Variants in VPS45 observed in about 807,000 individuals in gnomAD.
The protein encoded by VPS45 is vacuolar protein sorting 45 homolog.
Under a neutral mutation model 75.9 loss-of-function variants are expected in VPS45, and 35 were observed. The ratio of observed to expected loss-of-function variants is 0.46; its 90% CI spans 0.35 to 0.61. The LOEUF (loss-of-function observed/expected upper bound fraction) is 0.61, where lower values mean the gene tolerates loss of function less well. Ranked by LOEUF, VPS45 falls within the 20% of genes least tolerant of loss-of-function variation. The pLI is 0.00. For missense variants in VPS45, 559 were observed against 685.9 expected, an observed-to-expected ratio of 0.81 and a Z score of 2.07; for synonymous variants, 220 against 238.2, an observed-to-expected ratio of 0.92 and a Z score of 0.70.
At chr1:150,124,636 A>G (rs1553810338) in intron 14 of VPS45, among the ~76,000 whole-genome samples, 1 of 132,410 alleles carries the variant, frequency 7.6e-6, no homozygotes, top group Non-Finnish European at 1.6e-5. Context: ...CAACCCCCCT[A>G]CCTCCCGGAT....
At chr1:150,103,435 T>C (rs1287709184) in intron 13 of VPS45, among the ~76,000 whole-genome samples, 1 of 152,216 alleles carries the variant, frequency 6.6e-6, no homozygotes, top group Non-Finnish European at 1.5e-5. Context: ...GGAAAACATT[T>C]ATTAATGTTT....
chr1:150,078,205 G>A (rs1315395338), intron 7 of VPS45, among the ~76,000 whole-genome samples: 3 of 152,118 alleles, frequency 2.0e-5, no homozygotes, highest in Non-Finnish European at 4.4e-5. Flanking sequence ...CTAAAGCACA[G>A]CTCTATCTTA....
At chr1:150,078,187 A>G (rs1553798559) in intron 7 of VPS45, among the ~76,000 whole-genome samples, 1 of 152,228 alleles carries the variant, frequency 6.6e-6, no homozygotes, top group Non-Finnish European at 1.5e-5. Flanking sequence ...TTCCACAAGT[A>G]CAATTTCCTA....
Position 150,081,326 on chromosome 1 carries a change from A to G in VPS45, c.688-16A>G, listed in dbSNP as rs781871322. On this transcript the variant is annotated splice_polypyrimidine_tract_variant and intron_variant, in intron 7 of 14. Transcript: ENST00000644510. ...ATTCTGTCAGTTACCTTTTTTTTTC[A>G]TAATTCTTTATTTAGTGGACATATC... 5 of 1,566,626 alleles carry G rather than the reference A, an allele frequency of 3.2e-6. No individual in the cohort carries two copies. Among genetic ancestry groups the G allele is most frequent in the East Asian group, 2.3e-5 (1 of 42,580 alleles).
chr1:150,144,837 C>G lies in VPS45; in HGVS notation c.*41C>G, dbSNP rs1553816213. On this transcript the variant is annotated 3_prime_UTR_variant, in exon 15 of 15. Transcript: ENST00000644510. The stretch of plus-strand genomic sequence containing the variant: ...AAGGGCACAGCTTCCTCTCTTGTCC[C>G]CACTACAGGTTTTCCCTACTAAACA... 6.2e-7 allele frequency: 1 copy of G among 1,613,014 alleles called. No homozygotes were observed. The highest frequency in any genetic ancestry group is 1.3e-5 in the African/African-American group (1 of 74,890).
chr1:150,069,745 C>T (rs1654937166), intron 2 of VPS45, among the ~76,000 whole-genome samples: 2 of 152,118 alleles, frequency 1.3e-5, no homozygotes, highest in Admixed American at 1.3e-4. Context: ...CGGGAGCCAC[C>T]GTGCCCGGCT....
chr1:150,123,356 A>T (rs1658338203), intron 14 of VPS45, among the ~76,000 whole-genome samples: 1 of 152,206 alleles, frequency 6.6e-6, no homozygotes, highest in African/African-American at 2.4e-5. Flanking sequence ...GTGTGCGTTA[A>T]TAGGGTTTTA....
At chr1:150,142,558 T>C (rs1235611986) in intron 14 of VPS45, among the ~76,000 whole-genome samples, 2 of 152,266 alleles carry the variant, frequency 1.3e-5, no homozygotes. Flanking sequence ...AAGATGGTAA[T>C]AAAACTGCAA....
At chr1:150,112,870 G>C (rs1553807438) in intron 14 of VPS45, among the ~76,000 whole-genome samples, 1 of 152,122 alleles carries the variant, frequency 6.6e-6, no homozygotes, top group Admixed American at 6.5e-5. Flanking sequence ...TATTACAAAG[G>C]ATACAACTCA....
intron 14 of VPS45, among the ~76,000 whole-genome samples, chr1:150,125,364 T>C (rs1002103504): frequency 7.4e-5 from 11 of 149,094 alleles, no homozygotes; most frequent in South Asian, 6.2e-4. Context: ...AATATATATA[T>C]ATTTTTATTA....
intron 14 of VPS45, among the ~76,000 whole-genome samples, chr1:150,128,329 T>C (rs1253198289): frequency 1.3e-5 from 2 of 150,970 alleles, no homozygotes; most frequent in Non-Finnish European, 2.9e-5. Flanking sequence ...TTAACTTGAT[T>C]AATTAGTGGA....
In VPS45 at chr1:150,068,738, G is replaced by C; in HGVS notation, c.202G>C (p.Ala68Pro). ...QNREIMKHLK[A>P]ICFLRPTKEN... ...TCGAGAGATCATGAAACACCTGAAGGCAATTTGTTTTCTTCGACCTACAAA... is the reference window on the plus strand; with the variant it reads ...TCGAGAGATCATGAAACACCTGAAGCCAATTTGTTTTCTTCGACCTACAAA... The change falls in exon 2 of 15, where the codon GCA becomes CCA. Residue 68 changes from alanine (A) to proline (P), a missense_variant. Coordinates refer to ENST00000644510, the MANE Select transcript of VPS45 (RefSeq NM_007259.5). 1 of 1,611,810 alleles carries C rather than the reference G, an allele frequency of 6.2e-7. No individual in the cohort carries two copies. Among genetic ancestry groups the C allele is most frequent in the Non-Finnish European group, 8.5e-7 (1 of 1,178,902 alleles).
At chr1:150,127,321 ATTTTTT>A (rs782667721) in intron 14 of VPS45, among the ~76,000 whole-genome samples, 1 of 148,318 alleles carries the variant, frequency 6.7e-6, no homozygotes, top group Non-Finnish European at 1.5e-5. Context: ...AGTGAAGCAG[ATTTTTT>A]TTTTTTTGAA....
At chr1:150,116,098 C>T (rs1340432251) in intron 14 of VPS45, among the ~76,000 whole-genome samples, 3 of 152,098 alleles carry the variant, frequency 2.0e-5, no homozygotes, top group African/African-American at 7.2e-5. Flanking sequence ...TATAATCTCC[C>T]TTAATTCTAG....
At chr1:150,073,165 G>C (rs1655175220) in intron 3 of VPS45, among the ~76,000 whole-genome samples, 1 of 151,992 alleles carries the variant, frequency 6.6e-6, no homozygotes, top group South Asian at 2.1e-4. Context: ...TTCTCCTCTA[G>C]ATGTCATTAT....
chr1:150,103,381 G>A (rs1413707557), intron 13 of VPS45, among the ~76,000 whole-genome samples: 2 of 152,126 alleles, frequency 1.3e-5, no homozygotes, highest in African/African-American at 4.8e-5. Flanking sequence ...TTTCATAGAC[G>A]TTCTTCCTTA....
intron 13 of VPS45, among the ~76,000 whole-genome samples, chr1:150,102,298 CCAGCACTTCGGGAGG>C: frequency 6.6e-6 from 1 of 150,500 alleles, no homozygotes; most frequent in South Asian, 2.1e-4. Flanking sequence ...GCCTGTAATC[CCAGCACTTCGGGAGG>C]CCGAAGTGGG....
intron 14 of VPS45, among the ~76,000 whole-genome samples, chr1:150,126,049 C>T (rs782086153): frequency 3.3e-5 from 5 of 151,864 alleles, no homozygotes; most frequent in Non-Finnish European, 7.4e-5. Context: ...AAAACTTGGT[C>T]CCCATCTCGG....
chr1:150,108,176 C>T (rs1338784723), intron 13 of VPS45, among the ~76,000 whole-genome samples: 3 of 152,192 alleles, frequency 2.0e-5, no homozygotes, highest in Admixed American at 2.0e-4. Flanking sequence ...AATAATTAAA[C>T]ATCCAAATGG....
Sources: allele counts gnomAD v4.1 joint callset (sites outside exome capture counted in the v4.1 genomes callset), GRCh38; gene constraint gnomAD v4.1.1; transcripts MANE v1.5; gene names NCBI Gene and HGNC (gene_info 2026-07-23, HGNC 2026-07-21).